The following CHD6 variants were observed in gnomAD, a reference collection of about 807,000 sequenced individuals.
The protein encoded by CHD6 is ATP-dependent chromatin remodeler CHD6.
A neutral mutation model predicts 276.9 loss-of-function variants in CHD6; 50 were observed. The ratio of observed to expected loss-of-function variants is 0.18; its 90% CI spans 0.14 to 0.23. The LOEUF (loss-of-function observed/expected upper bound fraction) is 0.23, where lower values mean the gene tolerates loss of function less well. Ranked by LOEUF, CHD6 falls within the 10% of genes least tolerant of loss-of-function variation. The pLI is 1.00. For synonymous variants in CHD6, 1,173 were observed against 1,229.3 expected, an observed-to-expected ratio of 0.95 and a Z score of 0.96; for missense variants, 2,564 against 3,365.8, an observed-to-expected ratio of 0.76 and a Z score of 5.89.
At chr20:41,406,310 A>G (rs1311835366) in intron 36 of CHD6, among the ~76,000 whole-genome samples, 1 of 152,214 alleles carries the variant, frequency 6.6e-6, no homozygotes, top group Non-Finnish European at 1.5e-5. Flanking sequence ...CTTAATTAGC[A>G]GAGAGTTCTG....
intron 1 of CHD6, among the ~76,000 whole-genome samples, chr20:41,585,828 C>A (rs899856199): frequency 2.0e-5 from 3 of 152,074 alleles, no homozygotes; most frequent in African/African-American, 7.2e-5. Flanking sequence ...AACAAAGTAC[C>A]AGCAAATTGA....
At chr20:41,547,076 C>T (rs1353619726) in intron 2 of CHD6, among the ~76,000 whole-genome samples, 1 of 152,116 alleles carries the variant, frequency 6.6e-6, no homozygotes, top group Non-Finnish European at 1.5e-5. Flanking sequence ...TGCCATTTTT[C>T]TCCAGGGAAG....
intron 5 of CHD6, among the ~76,000 whole-genome samples, chr20:41,502,167 G>A (rs903155605): frequency 2.0e-5 from 3 of 152,004 alleles, no homozygotes; most frequent in African/African-American, 4.8e-5. Context: ...GTATTTTTGT[G>A]TGCTGTTTAA....
At chr20:41,502,019 T>C (rs576171100) in intron 5 of CHD6, among the ~76,000 whole-genome samples, 2 of 152,346 alleles carry the variant, frequency 1.3e-5, no homozygotes, top group Admixed American at 6.5e-5. Flanking sequence ...AGAATTATTT[T>C]AAATAAGAGT....
At chr20:41,540,110 G>A (rs2044913044) in intron 2 of CHD6, among the ~76,000 whole-genome samples, 1 of 152,188 alleles carries the variant, frequency 6.6e-6, no homozygotes, top group African/African-American at 2.4e-5. Flanking sequence ...TGTCTCCCAT[G>A]AGTAGAATGT....
rs144001117 is a variant in CHD6, at chr20:41,446,061, T to A, written c.3774-293A>T. On this transcript the variant is annotated intron_variant, in intron 24 of 36. Transcript: ENST00000373233. Reference sequence around the variant, plus strand: ...GTCCAGGGTGGCATCTTGGGATCCATATGTATAGAGTTCTAATGTGCACCT... The same window carrying A: ...GTCCAGGGTGGCATCTTGGGATCCAAATGTATAGAGTTCTAATGTGCACCT... Among the ~76,000 whole-genome samples the A allele has an allele frequency of 9.5e-4, 145 of 152,318 alleles. 1 individual carries two copies. Among genetic ancestry groups the A allele is most frequent in the Non-Finnish European group, 1.7e-3 (119 of 68,028 alleles).
chr20:41,446,662 AGT>A (rs2048078526), intron 24 of CHD6, among the ~76,000 whole-genome samples: 1 of 152,148 alleles, frequency 6.6e-6, no homozygotes, highest in Non-Finnish European at 1.5e-5. Context: ...CTGTGGGGAT[AGT>A]GTTTCCTGAC....
chr20:41,413,693 C>T, intron 34 of CHD6, 178 bp from the exon 35 acceptor site: 1 of 496,902 alleles, frequency 2.0e-6, no homozygotes, highest in Non-Finnish European at 3.5e-6. Context: ...CACATAAGCT[C>T]TTGCAAGTGA....
At chr20:41,541,191 CTCTT>C (rs989783937) in intron 2 of CHD6, among the ~76,000 whole-genome samples, 9 of 152,186 alleles carry the variant, frequency 5.9e-5, no homozygotes, top group East Asian at 1.9e-4. Flanking sequence ...GTCTCTTTCT[CTCTT>C]TCTTTTTCTG....
intron 16 of CHD6, among the ~76,000 whole-genome samples, chr20:41,480,589 C>T (rs1031712944): frequency 3.9e-5 from 6 of 152,170 alleles, no homozygotes; most frequent in Non-Finnish European, 5.9e-5. Context: ...GTATACATGA[C>T]GGTATGAGGA....
At chr20:41,572,948 C>T (rs900135070) in intron 1 of CHD6, among the ~76,000 whole-genome samples, 4 of 151,834 alleles carry the variant, frequency 2.6e-5, no homozygotes, top group Admixed American at 6.6e-5. Context: ...CTTGCTCTGT[C>T]GCCCAGGCTG....
chr20:41,560,194 A>T (rs1011977968), intron 1 of CHD6, among the ~76,000 whole-genome samples: 4 of 152,330 alleles, frequency 2.6e-5, no homozygotes, highest in East Asian at 1.9e-4. Flanking sequence ...AAACAAAATC[A>T]GATGCTATCT....
At chr20:41,589,681 AAGG>A (rs1246071917) in intron 1 of CHD6, among the ~76,000 whole-genome samples, 1 of 152,218 alleles carries the variant, frequency 6.6e-6, no homozygotes, top group Non-Finnish European at 1.5e-5. Flanking sequence ...GTACCTCTTC[AAGG>A]AGAACTACAA....
At chr20:41,449,621 C>G (rs16985796) in intron 23 of CHD6, among the ~76,000 whole-genome samples, 1 of 152,208 alleles carries the variant, frequency 6.6e-6, no homozygotes, top group Non-Finnish European at 1.5e-5. Flanking sequence ...AGGTTTGTAA[C>G]ACCCTTGGTT....
intron 27 of CHD6, among the ~76,000 whole-genome samples, chr20:41,432,468 C>T (rs1042207663): frequency 6.6e-6 from 1 of 152,092 alleles, no homozygotes; most frequent in Non-Finnish European, 1.5e-5. Flanking sequence ...GTTCCCCACC[C>T]CTACCCATGG....
intron 1 of CHD6, among the ~76,000 whole-genome samples, chr20:41,558,126 G>C (rs2045260329): frequency 6.6e-6 from 1 of 152,136 alleles, no homozygotes; most frequent in Admixed American, 6.6e-5. Flanking sequence ...CAGTGGGTAA[G>C]AAATCCCCCA....
At position 41,497,771 on chromosome 20, in the gene CHD6, A is replaced by T. The variant is rs1225409453; in HGVS notation, c.975-270T>A. 8.1e-6 allele frequency: 4 copies of T among 491,220 alleles called. No individual in the cohort carries two copies. In the East Asian group the frequency reaches 1.5e-4, roughly 18 times the overall value. The allele number at this position is 491,220 out of a possible 1,614,324, so 30.4% of individuals were successfully genotyped here. On this transcript the variant is annotated intron_variant, in intron 7 of 36. Coordinates refer to ENST00000373233, the MANE Select transcript of CHD6 (RefSeq NM_032221.5). Reference sequence around the variant, plus strand: ...GCAGGGCAGCTGTGGGCAGGTTATCATTAACACACATTAGTGAAAGTGGGT... The same window carrying T: ...GCAGGGCAGCTGTGGGCAGGTTATCTTTAACACACATTAGTGAAAGTGGGT...
chr20:41,517,868 A>T (rs1412101238), intron 3 of CHD6, among the ~76,000 whole-genome samples: 1 of 152,160 alleles, frequency 6.6e-6, no homozygotes, highest in Non-Finnish European at 1.5e-5. Flanking sequence ...TTACTTTTTC[A>T]TACCAAGTCA....
chr20:41,523,842 A>C, intron 3 of CHD6, among the ~76,000 whole-genome samples: 1 of 152,220 alleles, frequency 6.6e-6, no homozygotes, highest in East Asian at 1.9e-4. Context: ...TCGTACTACT[A>C]TGAATCTTTT....
Sources: gnomAD v4.1 joint callset for allele counts (sites outside exome capture counted in the v4.1 genomes callset) on GRCh38, gnomAD v4.1.1 for gene constraint, MANE v1.5 for transcripts, NCBI Gene and HGNC (gene_info 2026-07-23, HGNC 2026-07-21) for gene names.